IBTK: variants seen among roughly 807,000 people sequenced by gnomAD.
The protein encoded by IBTK is inhibitor of Bruton tyrosine kinase.
IBTK carries 83 observed loss-of-function variants against 154.9 expected under a neutral mutation model. That is an observed-to-expected ratio of 0.54 (90% CI 0.45 to 0.64). The LOEUF (loss-of-function observed/expected upper bound fraction) is 0.64. IBTK is among the 30% of genes least tolerant of loss of function. The pLI is 0.00. For synonymous variants in IBTK, 515 were observed against 536.1 expected, an observed-to-expected ratio of 0.96 and a Z score of 0.54; for missense variants, 1,332 against 1,584.6, an observed-to-expected ratio of 0.84 and a Z score of 2.71.
intron 12 of IBTK, among the ~76,000 whole-genome samples, chr6:82,213,001 A>T (rs1031443238): frequency 2.0e-5 from 3 of 151,980 alleles, no homozygotes; most frequent in Non-Finnish European, 2.9e-5. Flanking sequence ...TACTGACAAA[A>T]GACAAATCAA....
Position 82,211,568 on chromosome 6 carries a change from A to T in IBTK, c.2296T>A (p.Phe766Ile). The change falls in exon 14 of 29, where the codon TTT (phenylalanine) becomes ATT (isoleucine). Residue 766 changes from phenylalanine to isoleucine, a missense_variant. Around this residue, in one of 3 missense-constraint regions of IBTK, gnomAD observed 1,134 missense variants for 1,274.7 expected, o/e 0.89. Coordinates refer to ENST00000306270, the MANE Select transcript of IBTK (RefSeq NM_015525.4). ...KLKLSQKKCS[F>I]LCDVTMKSVD... Reference sequence around the variant, plus strand: ...GATTTCATGGTCACGTCACACAGAAATGAACTGCAAGAAAATGTTTAATTG... The same window carrying T: ...GATTTCATGGTCACGTCACACAGAATTGAACTGCAAGAAAATGTTTAATTG... 6.2e-7 allele frequency: 1 copy of T among 1,611,650 alleles called. No homozygotes were observed. Among genetic ancestry groups the T allele is most frequent in the South Asian group, 1.1e-5 (1 of 91,022 alleles).
chr6:82,187,211 C>G (rs1256029860), intron 25 of IBTK, among the ~76,000 whole-genome samples: 1 of 152,044 alleles, frequency 6.6e-6, no homozygotes, highest in Non-Finnish European at 1.5e-5. Context: ...CCATCATGCC[C>G]AGCCAGATAA....
At chr6:82,221,073 T>C (rs1052467692) in intron 8 of IBTK, among the ~76,000 whole-genome samples, 1 of 152,038 alleles carries the variant, frequency 6.6e-6, no homozygotes, top group Admixed American at 6.6e-5. Context: ...CCGCCTGTAA[T>C]CCCAGCACTT....
At chr6:82,224,276 A>G (rs1770214114) in intron 6 of IBTK, 91 bp from the exon 7 acceptor site, 1 of 890,128 alleles carries the variant, frequency 1.1e-6, no homozygotes, top group South Asian at 1.4e-5. Flanking sequence ...AATATATGGT[A>G]TACTTGCTGT....
At chr6:82,182,583 A>G (rs1045283086) in intron 25 of IBTK, among the ~76,000 whole-genome samples, 1 of 152,118 alleles carries the variant, frequency 6.6e-6, no homozygotes, top group Non-Finnish European at 1.5e-5. Flanking sequence ...TACGGCAGAG[A>G]AAAAGAAACA....
chr6:82,225,460 A>G lies in IBTK; in HGVS notation c.825+17T>C. 6.3e-7 allele frequency: 1 copy of G among 1,592,180 alleles called. No individual in the cohort carries two copies. The highest frequency in any genetic ancestry group is 8.5e-7 in the Non-Finnish European group (1 of 1,170,086). On this transcript the variant is annotated intron_variant, in intron 6 of 28. Transcript: ENST00000306270. ...TTGCAAATGTAAAACCTTATTATTT[A>G]AAAGAGTAAAGCTTACCTGTCTGGG...
chr6:82,204,685 A>C lies in IBTK; in HGVS notation c.2611+172T>G, dbSNP rs184421182. 2.3e-3 allele frequency among the ~76,000 whole-genome samples: 357 copies of C among 152,288 alleles called. 2 individuals are homozygous for C. The highest frequency in any genetic ancestry group is 8.1e-3 in the African/African-American group (336 of 41,564). On this transcript the variant is annotated intron_variant, in intron 17 of 28. Transcript: ENST00000306270. ...ATATATATTTTCACATATTTCTAAAATAAGAATTCACTTACAAATGATGGC... is the reference window on the plus strand; with the variant it reads ...ATATATATTTTCACATATTTCTAAACTAAGAATTCACTTACAAATGATGGC...
intron 26 of IBTK, among the ~76,000 whole-genome samples, chr6:82,173,912 A>G (rs976347674): frequency 1.8e-4 from 27 of 152,286 alleles, no homozygotes; most frequent in African/African-American, 5.1e-4. Flanking sequence ...CACACTGGCT[A>G]TAACAACTAT....
intron 15 of IBTK, 138 bp downstream of exon 15, chr6:82,211,229 C>A: frequency 1.7e-6 from 1 of 599,044 alleles, no homozygotes. Context: ...TTCCAGCAGC[C>A]TCAAGCATAA....
intron 8 of IBTK, among the ~76,000 whole-genome samples, chr6:82,223,213 A>T (rs1770163305): frequency 6.6e-6 from 1 of 152,218 alleles, no homozygotes; most frequent in Non-Finnish European, 1.5e-5. Flanking sequence ...CTACATATTA[A>T]ACATAATTCA....
At chr6:82,212,080 C>T (rs1407277632) in intron 13 of IBTK, among the ~76,000 whole-genome samples, 3 of 152,060 alleles carry the variant, frequency 2.0e-5, no homozygotes, top group Admixed American at 6.6e-5. Flanking sequence ...CTGCAACCTC[C>T]GCCTCCCGAG....
At chr6:82,188,090 C>T (rs1249105707) in intron 25 of IBTK, among the ~76,000 whole-genome samples, 2 of 152,082 alleles carry the variant, frequency 1.3e-5, no homozygotes, top group Non-Finnish European at 2.9e-5. Flanking sequence ...ATGGAGATAA[C>T]CAACATATGG....
chr6:82,184,981 G>T (rs545667835), intron 25 of IBTK, among the ~76,000 whole-genome samples: 1 of 151,704 alleles, frequency 6.6e-6, no homozygotes, highest in Non-Finnish European at 1.5e-5. Flanking sequence ...TCAGGAGTTC[G>T]AAACCAGCCT....
chr6:82,194,308 G>T (rs986042963), intron 23 of IBTK, among the ~76,000 whole-genome samples, 171 bp downstream of exon 23: 4 of 152,076 alleles, frequency 2.6e-5, no homozygotes, highest in East Asian at 3.9e-4. Context: ...GGTTGGTTGG[G>T]GGGGAAGCCT....
intron 25 of IBTK, chr6:82,189,049 T>A (rs751113496): frequency 8.9e-6 from 4 of 447,630 alleles, no homozygotes; most frequent in South Asian, 3.2e-5. Context: ...GAAGAAAAAG[T>A]AAGAAATTTA....
At chr6:82,188,588 G>C (rs1768640200) in intron 25 of IBTK, among the ~76,000 whole-genome samples, 1 of 152,056 alleles carries the variant, frequency 6.6e-6, no homozygotes, top group Non-Finnish European at 1.5e-5. Context: ...ACAGAGTACA[G>C]AGATCTTCAA....
At chr6:82,208,532 A>C (rs988248709) in intron 16 of IBTK, among the ~76,000 whole-genome samples, 1 of 152,128 alleles carries the variant, frequency 6.6e-6, no homozygotes, top group Non-Finnish European at 1.5e-5. Context: ...ACTTGAGCCC[A>C]GGAGTTCCAG....
intron 3 of IBTK, among the ~76,000 whole-genome samples, chr6:82,233,763 G>A (rs189300206): frequency 2.9e-4 from 43 of 148,262 alleles, no homozygotes; most frequent in Admixed American, 6.8e-4. Flanking sequence ...ACCCAGGCTG[G>A]AGTGCAGTGG....
chr6:82,242,385 T>C (rs947444118), intron 1 of IBTK, among the ~76,000 whole-genome samples: 1 of 150,032 alleles, frequency 6.7e-6, no homozygotes, highest in African/African-American at 2.5e-5. Context: ...AAAAAAAAAA[T>C]TAATGGCAAT....
Sources: gnomAD v4.1 joint callset for allele counts (sites outside exome capture counted in the v4.1 genomes callset) on GRCh38, gnomAD v4.1.1 for gene constraint, gnomAD v4.1.1 regional missense constraint, MANE v1.5 for transcripts, NCBI Gene and HGNC (gene_info 2026-07-23, HGNC 2026-07-21) for gene names.